The following CADM2 variants were observed in gnomAD, a reference collection of about 807,000 sequenced individuals.
The protein encoded by CADM2 is cell adhesion molecule 2.
Under a neutral mutation model 49.8 loss-of-function variants are expected in CADM2, and 12 were observed. The ratio of observed to expected loss-of-function variants is 0.24; its 90% CI spans 0.15 to 0.39. CADM2 has a LOEUF of 0.39. CADM2 is among the 10% of genes least tolerant of loss of function. CADM2 has a pLI of 1.00. For synonymous variants in CADM2, 214 were observed against 175.4 expected, an observed-to-expected ratio of 1.22 and a Z score of -1.74; for missense variants, 378 against 492.3, an observed-to-expected ratio of 0.77 and a Z score of 2.20.
At chr3:85,347,588 CAT>C (rs201380935) in intron 1 of CADM2, among the ~76,000 whole-genome samples, 3 of 139,268 alleles carry the variant, frequency 2.2e-5, no homozygotes, top group African/African-American at 8.2e-5. Flanking sequence ...TACATATATA[CAT>C]ATATATACAT....
At chr3:85,212,884 T>TCTCTCTCTCTCTCTCTCTCTC (rs1237101392) in intron 1 of CADM2, among the ~76,000 whole-genome samples, 2 of 78,610 alleles carry the variant, frequency 2.5e-5, no homozygotes, top group Admixed American at 1.4e-4. Context: ...CTTTCTTTCT[T>TCTCTCTCTCTCTCTCTCTCTC]TCTCTTTCTT....
chr3:85,537,492 GTT>G (rs1403855926), intron 1 of CADM2, among the ~76,000 whole-genome samples: 10 of 24,128 alleles, frequency 4.1e-4, no homozygotes, highest in East Asian at 0.03. Flanking sequence ...ATGCATGGTT[GTT>G]TGTGTGTGTG....
chr3:85,377,532 A>G (rs2033662401), intron 1 of CADM2, among the ~76,000 whole-genome samples: 1 of 152,072 alleles, frequency 6.6e-6, no homozygotes, highest in South Asian at 2.1e-4. Flanking sequence ...CTAATACTGG[A>G]CATCCTTAGG....
chr3:85,960,879 C>T (rs983776344), intron 7 of CADM2, among the ~76,000 whole-genome samples: 8 of 150,422 alleles, frequency 5.3e-5, no homozygotes, highest in African/African-American at 1.9e-4. Flanking sequence ...GCTCTAAGTG[C>T]AAAGATTTTT....
intron 2 of CADM2, among the ~76,000 whole-genome samples, chr3:85,777,722 G>A (rs1559650223): frequency 1.3e-5 from 2 of 152,144 alleles, no homozygotes; most frequent in South Asian, 2.1e-4. Context: ...TTTAATAGAA[G>A]CATGTAAACT....
At chr3:85,346,776 A>G (rs1461201861) in intron 1 of CADM2, among the ~76,000 whole-genome samples, 2 of 152,204 alleles carry the variant, frequency 1.3e-5, no homozygotes, top group East Asian at 3.8e-4. Context: ...ATGTGGGGAT[A>G]TTACAGTAAC....
At chr3:85,541,773 T>TA (rs1553739263) in intron 1 of CADM2, among the ~76,000 whole-genome samples, 96 of 6,138 alleles carry the variant, frequency 0.016, 3 homozygotes, top group Middle Eastern at 0.5. Context: ...ATATTTTATA[T>TA]TTTATATATA....
chr3:85,540,248 C>T (rs1471786922), intron 1 of CADM2, among the ~76,000 whole-genome samples: 1 of 152,006 alleles, frequency 6.6e-6, no homozygotes, highest in Non-Finnish European at 1.5e-5. Context: ...ATAATATGCT[C>T]CTAAATCTCT....
At chr3:85,127,160 A>G (rs1382477935) in intron 1 of CADM2, among the ~76,000 whole-genome samples, 2 of 152,126 alleles carry the variant, frequency 1.3e-5, no homozygotes, top group Admixed American at 1.3e-4. Context: ...TCAATTTTTT[A>G]AAGGGTGATT....
At chr3:85,002,056 A>G (rs969271770) in intron 1 of CADM2, among the ~76,000 whole-genome samples, 1 of 152,052 alleles carries the variant, frequency 6.6e-6, no homozygotes, top group Non-Finnish European at 1.5e-5. Flanking sequence ...ATTCTACATT[A>G]TGATGTTATA....
chr3:85,056,726 C>A (rs1291606701), intron 1 of CADM2, among the ~76,000 whole-genome samples: 2 of 152,026 alleles, frequency 1.3e-5, no homozygotes, highest in Admixed American at 6.6e-5. Context: ...ACTAAGAAGT[C>A]ATTAATAATT....
At chr3:85,704,921 C>T (rs553522842) in intron 1 of CADM2, among the ~76,000 whole-genome samples, 69 of 150,138 alleles carry the variant, frequency 4.6e-4, no homozygotes, top group African/African-American at 1.6e-3. Context: ...TGCAGTGGCA[C>T]GATCTTGGCT....
intron 1 of CADM2, among the ~76,000 whole-genome samples, chr3:85,458,577 A>G (rs544993084): frequency 6.6e-6 from 1 of 152,292 alleles, no homozygotes; most frequent in South Asian, 2.1e-4. Flanking sequence ...GTAAAGATCA[A>G]TTTGATTTCT....
chr3:85,573,638 A>G (rs890351069), intron 1 of CADM2, among the ~76,000 whole-genome samples: 1 of 152,194 alleles, frequency 6.6e-6, no homozygotes, highest in Non-Finnish European at 1.5e-5. Context: ...TAATCTCAGG[A>G]TGATAACTTT....
intron 1 of CADM2, among the ~76,000 whole-genome samples, chr3:85,362,409 C>T (rs1013622626): frequency 2.0e-5 from 3 of 152,110 alleles, no homozygotes; most frequent in South Asian, 2.1e-4. Flanking sequence ...ATCTGCATTT[C>T]CCCACACCTC....
intron 2 of CADM2, among the ~76,000 whole-genome samples, chr3:85,801,660 C>T (rs1452606488): frequency 6.6e-6 from 1 of 152,094 alleles, no homozygotes; most frequent in African/African-American, 2.4e-5. Context: ...GTTTCCTCTA[C>T]TGCTTTAGAG....
chr3:85,724,142 A>C (rs1444875820), intron 1 of CADM2, among the ~76,000 whole-genome samples: 2 of 152,048 alleles, frequency 1.3e-5, no homozygotes, highest in African/African-American at 2.4e-5. Context: ...AGGTAAAGTT[A>C]AATAAACCAA....
intron 3 of CADM2, among the ~76,000 whole-genome samples, chr3:85,858,069 T>C (rs183029409): frequency 5.6e-4 from 85 of 152,302 alleles, no homozygotes; most frequent in African/African-American, 1.9e-3. Flanking sequence ...TGACAACTCA[T>C]TGATGTGAAG....
At chr3:85,252,370 G>A (rs2042795139) in intron 1 of CADM2, among the ~76,000 whole-genome samples, 1 of 151,854 alleles carries the variant, frequency 6.6e-6, no homozygotes, top group Non-Finnish European at 1.5e-5. Context: ...TGATGAAGGA[G>A]TGAGAATGAG....
Sources: gnomAD v4.1 joint callset for allele counts (sites outside exome capture counted in the v4.1 genomes callset) on GRCh38, gnomAD v4.1.1 for gene constraint, MANE v1.5 for transcripts, NCBI Gene and HGNC (gene_info 2026-07-23, HGNC 2026-07-21) for gene names.